SARNP: variants seen among roughly 807,000 people sequenced by gnomAD.
The protein encoded by SARNP is SAP domain containing ribonucleoprotein.
In SARNP, 5 loss-of-function variants were observed where a neutral mutation model predicts 38.1. The observed-to-expected ratio is 0.13, with a 90% CI of 0.07 to 0.28. The LOEUF is 0.28. SARNP is among the 10% of genes least tolerant of loss of function. The pLI, the probability that SARNP is intolerant of heterozygous loss-of-function variation, is 1.00. For synonymous variants in SARNP, 84 were observed against 80.6 expected (o/e 1.04, Z -0.23); for missense variants, 180 against 243.9 (o/e 0.74, Z 1.75).
intron 9 of SARNP, among the ~76,000 whole-genome samples, chr12:55,786,757 T>C (rs1454395419): frequency 6.6e-6 from 1 of 152,084 alleles, no homozygotes; most frequent in Admixed American, 6.6e-5. Context: ...TCGTGACCTT[T>C]GGTTTGTAAC....
intron 1 of SARNP, among the ~76,000 whole-genome samples, chr12:55,811,799 T>C (rs1286054395): frequency 6.6e-6 from 1 of 152,204 alleles, no homozygotes; most frequent in Non-Finnish European, 1.5e-5. Flanking sequence ...ATTCCACATA[T>C]ATCAAAGGCT....
At chr12:55,787,041 C>T (rs1488467709) in intron 9 of SARNP, among the ~76,000 whole-genome samples, 1 of 151,382 alleles carries the variant, frequency 6.6e-6, no homozygotes, top group East Asian at 1.9e-4. Context: ...ACCAGCTGGG[C>T]AACACAGAGA....
intron 1 of SARNP, among the ~76,000 whole-genome samples, chr12:55,804,467 C>T (rs765603338): frequency 8.3e-4 from 124 of 149,732 alleles, no homozygotes; most frequent in Non-Finnish European, 1.4e-3. Flanking sequence ...AAAACAAAGA[C>T]TCAATTTAGT....
At chr12:55,805,059 C>T (rs1298107050) in intron 1 of SARNP, among the ~76,000 whole-genome samples, 2 of 150,638 alleles carry the variant, frequency 1.3e-5, no homozygotes, top group Admixed American at 6.6e-5. Context: ...GTTAGAAGAT[C>T]GAGACCATCC....
chr12:55,805,256 G>A (rs1035425849), intron 1 of SARNP, among the ~76,000 whole-genome samples: 10 of 152,178 alleles, frequency 6.6e-5, no homozygotes, highest in Non-Finnish European at 8.8e-5. Flanking sequence ...GCGAGACTCC[G>A]TCTCAAAAAT....
At chr12:55,797,608 T>C (rs1879857065) in intron 4 of SARNP, among the ~76,000 whole-genome samples, 3 of 152,172 alleles carry the variant, frequency 2.0e-5, no homozygotes, top group South Asian at 4.1e-4. Flanking sequence ...TTCCTCCCCA[T>C]TACCATTCTG....
chr12:55,810,025 C>T (rs1407412448), intron 1 of SARNP, among the ~76,000 whole-genome samples: 7 of 152,180 alleles, frequency 4.6e-5, no homozygotes, highest in South Asian at 2.1e-4. Context: ...AAAGCATTCT[C>T]CATTCTACCT....
chr12:55,806,685 G>A (rs896419253), intron 1 of SARNP, among the ~76,000 whole-genome samples: 14 of 151,958 alleles, frequency 9.2e-5, no homozygotes, highest in Non-Finnish European at 1.3e-4. Context: ...GACTACAGGC[G>A]CATGCCACCA....
chr12:55,787,633 C>T (rs1161648376), intron 9 of SARNP, among the ~76,000 whole-genome samples: 2 of 152,140 alleles, frequency 1.3e-5, no homozygotes, highest in Admixed American at 1.3e-4. Flanking sequence ...GACAGGGTTT[C>T]ACCATGTTGG....
intron 9 of SARNP, among the ~76,000 whole-genome samples, chr12:55,784,868 C>T (rs1177289648): frequency 6.6e-6 from 1 of 152,134 alleles, no homozygotes; most frequent in Non-Finnish European, 1.5e-5. Context: ...AGACTTATAA[C>T]CAATGTAAAT....
intron 5 of SARNP, among the ~76,000 whole-genome samples, chr12:55,795,114 T>C (rs780809394): frequency 6.6e-6 from 1 of 151,998 alleles, no homozygotes; most frequent in Non-Finnish European, 1.5e-5. Flanking sequence ...ACTGTGCCAC[T>C]GTGCCCAGCT....
chr12:55,779,251 TG>T (rs1421604274), intron 9 of SARNP, among the ~76,000 whole-genome samples: 3 of 152,134 alleles, frequency 2.0e-5, no homozygotes, highest in Admixed American at 6.6e-5. Flanking sequence ...TAACCTAGGA[TG>T]AAGGAGGGGG....
At chr12:55,773,853 A>G (rs1314486127) in intron 9 of SARNP, among the ~76,000 whole-genome samples, 2 of 152,090 alleles carry the variant, frequency 1.3e-5, no homozygotes, top group Non-Finnish European at 2.9e-5. Context: ...CTGGGAATAC[A>G]GGTGCCCACC....
chr12:55,809,722 G>A (rs911556781), intron 1 of SARNP, among the ~76,000 whole-genome samples: 1 of 146,790 alleles, frequency 6.8e-6, no homozygotes, highest in South Asian at 2.2e-4. Context: ...CAGCCTGGGC[G>A]ACAGAAGGGA....
At chr12:55,807,950 T>C (rs1311969503) in intron 1 of SARNP, among the ~76,000 whole-genome samples, 1 of 152,198 alleles carries the variant, frequency 6.6e-6, no homozygotes, top group African/African-American at 2.4e-5. Context: ...ATAAAAGTAT[T>C]ATGTTCACTG....
chr12:55,752,932 C>A (rs774454520), downstream of SARNP: 1 of 152,150 alleles, frequency 6.6e-6, no homozygotes, highest in South Asian at 2.1e-4. Context: ...CTTGGAGAAC[C>A]GGAGGTGAAG....
intron 1 of SARNP, among the ~76,000 whole-genome samples, chr12:55,806,288 T>G (rs956291149): frequency 1.3e-5 from 2 of 151,576 alleles, no homozygotes; most frequent in Non-Finnish European, 3.0e-5. Flanking sequence ...TTTTTTTTTT[T>G]TTTTGAGACG....
intron 1 of SARNP, among the ~76,000 whole-genome samples, chr12:55,806,159 C>T (rs746700057): frequency 6.6e-5 from 10 of 152,004 alleles, no homozygotes; most frequent in Non-Finnish European, 1.5e-4. Flanking sequence ...AGTTTTACTA[C>T]TTGTAACCTT....
intron 9 of SARNP, among the ~76,000 whole-genome samples, chr12:55,772,355 G>A (rs1879032137): frequency 6.6e-6 from 1 of 152,206 alleles, no homozygotes; most frequent in Non-Finnish European, 1.5e-5. Context: ...AGAACACCAG[G>A]AATTGCATCT....
Sources: allele counts gnomAD v4.1 joint callset (sites outside exome capture counted in the v4.1 genomes callset), GRCh38; gene constraint gnomAD v4.1.1; transcripts MANE v1.5; gene names NCBI Gene and HGNC (gene_info 2026-07-23, HGNC 2026-07-21).